The following DYSF variants were observed in gnomAD, a reference collection of about 807,000 sequenced individuals.
The protein encoded by DYSF is dystrophy-associated fer-1-like 1.
A neutral mutation model predicts 274.9 loss-of-function variants in DYSF; 212 were observed. That is an observed-to-expected ratio of 0.77 (90% CI 0.69 to 0.86). The LOEUF is 0.86. Among genes scored for constraint, DYSF ranks in the 40% least tolerant of loss-of-function variants. The pLI, the probability that DYSF is intolerant of heterozygous loss-of-function variation, is 0.00. For missense variants in DYSF, 2,666 were observed against 2,783.2 expected, an observed-to-expected ratio of 0.96 and a Z score of 0.95; for synonymous variants, 1,091 against 1,078.7, an observed-to-expected ratio of 1.01 and a Z score of -0.22.
chr2:71,644,578 A>T (rs1037910134), intron 42 of DYSF, among the ~76,000 whole-genome samples: 6 of 152,180 alleles, frequency 3.9e-5, no homozygotes, highest in African/African-American at 1.4e-4. Flanking sequence ...AACTCCTACA[A>T]TTGGGCCAGA....
At chr2:71,672,405 G>A (rs2095141429) in intron 51 of DYSF, among the ~76,000 whole-genome samples, 2 of 152,188 alleles carry the variant, frequency 1.3e-5, no homozygotes, top group Non-Finnish European at 2.9e-5. Flanking sequence ...TGGGGTTCAG[G>A]GCCTCTGGCA....
intron 1 of DYSF, among the ~76,000 whole-genome samples, chr2:71,471,027 A>G (rs989429967): frequency 1.3e-5 from 2 of 152,024 alleles, no homozygotes; most frequent in African/African-American, 4.8e-5. Flanking sequence ...AACTCCTGAC[A>G]TCAGTCAATC....
chr2:71,571,067 A>C (rs1314087521), intron 29 of DYSF, among the ~76,000 whole-genome samples: 2 of 140,156 alleles, frequency 1.4e-5, no homozygotes, highest in East Asian at 4.1e-4. Context: ...GATCACACCC[A>C]GCACACAGAT....
chr2:71,556,203 G>A (rs1272587417), intron 22 of DYSF, 132 bp downstream of exon 22: 4 of 756,220 alleles, frequency 5.3e-6, no homozygotes, highest in African/African-American at 3.4e-5. Context: ...TCCAGCCCGT[G>A]CTGAGTCCAA....
intron 3 of DYSF, among the ~76,000 whole-genome samples, chr2:71,496,864 C>T (rs2084455536): frequency 6.6e-6 from 1 of 152,208 alleles, no homozygotes. Flanking sequence ...GCTCCCCTTC[C>T]CACGGATTAA....
intron 4 of DYSF, among the ~76,000 whole-genome samples, chr2:71,509,477 A>AATATC (rs1158488342): frequency 2.0e-5 from 3 of 152,256 alleles, no homozygotes; most frequent in Admixed American, 2.0e-4. Flanking sequence ...CAGGAGTTTT[A>AATATC]ATATCACTGC....
intron 2 of DYSF, among the ~76,000 whole-genome samples, 157 bp from the exon 3 acceptor site, chr2:71,481,722 C>CCATCCATTCATCCATCCATT (rs1553508732): frequency 6.6e-6 from 1 of 151,724 alleles, no homozygotes; most frequent in African/African-American, 2.4e-5. Flanking sequence ...ATCCATCCAT[C>CCATCCATTCATCCATCCATT]CATCCATGCT....
chr2:71,638,797 G>A (rs1411271930), intron 41 of DYSF, among the ~76,000 whole-genome samples: 5 of 152,252 alleles, frequency 3.3e-5, no homozygotes, highest in South Asian at 2.1e-4. Flanking sequence ...GAACATTCAT[G>A]TACAAGTTTT....
chr2:71,483,089 C>T (rs1573418123), intron 3 of DYSF, among the ~76,000 whole-genome samples: 1 of 152,220 alleles, frequency 6.6e-6, no homozygotes, highest in African/African-American at 2.4e-5. Context: ...AGAAAAAAAC[C>T]CAATTGCCAC....
chr2:71,680,176 A>G (rs2095278942), intron 53 of DYSF, among the ~76,000 whole-genome samples: 1 of 152,248 alleles, frequency 6.6e-6, no homozygotes, highest in African/African-American at 2.4e-5. Context: ...CTGTGTGTCA[A>G]AATATCTTAC....
chr2:71,539,612 G>A (rs1311468252), intron 17 of DYSF, among the ~76,000 whole-genome samples: 1 of 152,040 alleles, frequency 6.6e-6, no homozygotes, highest in Admixed American at 6.5e-5. Context: ...TCATCATTTT[G>A]TAAAATTTTA....
intron 16 of DYSF, 69 bp from the exon 17 acceptor site, chr2:71,539,088 A>T: frequency 7.1e-7 from 1 of 1,416,140 alleles, no homozygotes; most frequent in Non-Finnish European, 1.0e-6. Context: ...GAGGCCGCAT[A>T]CTTCCTGGGT....
rs142001601 is a variant in DYSF at position 71,570,915 on chromosome 2, C to T, written c.3228+174C>T. 5.2e-3 allele frequency: 4,553 copies of T among 875,802 alleles called. 30 individuals carry two copies. Among genetic ancestry groups the T allele is most frequent in the Middle Eastern group, 8.7e-3 (26 of 2,982 alleles). The allele number at this position is 875,802 out of a possible 1,614,324, so 54.3% of individuals were successfully genotyped here. A position where few individuals can be genotyped will look rare whatever the true frequency, so the allele number is the denominator to read the frequency against. ...CACCCAGCATACCCAAAGATCACAC[C>T]CAGCATACACACAGATCACACCCAG... On this transcript the variant is annotated intron_variant, in intron 29 of 55. Transcript: ENST00000410020.
In DYSF at chr2:71,481,695, T is replaced by TATCCATCC. The variant is rs56102566; in HGVS notation, c.148-157_148-150dup. 0.064 allele frequency among the ~76,000 whole-genome samples: 7,933 copies of TATCCATCC among 124,464 alleles called. 253 individuals are homozygous for TATCCATCC. Among genetic ancestry groups the TATCCATCC allele is most frequent in the East Asian group, 0.074 (216 of 2,908 alleles). 81.7% of individuals were successfully genotyped at this position (124,464 alleles called of 152,430 possible). A position where few individuals can be genotyped will look rare whatever the true frequency, so the allele number is the denominator to read the frequency against. Reference sequence around the variant, plus strand: ...AATTTCTGGATCTGTGGTCTTCATCTATCCATCCATCCATCCATCCATCCA... The same window carrying TATCCATCC: ...AATTTCTGGATCTGTGGTCTTCATCTATCCATCCATCCATCCATCCATCCATCCATCCA... On this transcript the variant is annotated intron_variant, in intron 2 of 55. Coordinates refer to ENST00000410020, the MANE Select transcript of DYSF (RefSeq NM_001130987.2).
intron 21 of DYSF, 114 bp from the exon 22 acceptor site, chr2:71,555,851 C>G: frequency 1.2e-6 from 1 of 845,560 alleles, no homozygotes; most frequent in Non-Finnish European, 2.0e-6. Context: ...CTTCTTTGCT[C>G]TAACTGTTCA....
At chr2:71,498,719 C>T (rs1456272536) in intron 3 of DYSF, among the ~76,000 whole-genome samples, 1 of 152,200 alleles carries the variant, frequency 6.6e-6, no homozygotes, top group Non-Finnish European at 1.5e-5. Context: ...AAACTATAAA[C>T]TAAAATTTTC....
intron 42 of DYSF, among the ~76,000 whole-genome samples, chr2:71,646,220 C>G (rs2094565605): frequency 1.3e-5 from 2 of 152,246 alleles, no homozygotes; most frequent in South Asian, 4.1e-4. Context: ...GGAAGAAGGT[C>G]TGACACATTA....
chr2:71,497,940 A>G (rs1392443121), intron 3 of DYSF, among the ~76,000 whole-genome samples: 3 of 152,174 alleles, frequency 2.0e-5, no homozygotes, highest in Non-Finnish European at 1.5e-5. Flanking sequence ...GAGCCTCAGT[A>G]AATTTACTTA....
At chr2:71,586,739 C>T (rs1016012578) in intron 30 of DYSF, among the ~76,000 whole-genome samples, 1 of 152,078 alleles carries the variant, frequency 6.6e-6, no homozygotes, top group African/African-American at 2.4e-5. Flanking sequence ...GGGATGAGCA[C>T]TGGCAGCCAT....
Sources: allele counts gnomAD v4.1 joint callset (sites outside exome capture counted in the v4.1 genomes callset), GRCh38; gene constraint gnomAD v4.1.1; transcripts MANE v1.5; gene names NCBI Gene and HGNC (gene_info 2026-07-23, HGNC 2026-07-21).